RTEL1: variants seen among roughly 807,000 people sequenced by gnomAD.
RTEL1 encodes the protein regulator of telomere elongation helicase 1, also known as regulator of telomere length.
RTEL1 carries 86 observed loss-of-function variants against 162.2 expected under a neutral mutation model. The ratio of observed to expected loss-of-function variants is 0.53; its 90% CI spans 0.45 to 0.63. RTEL1 has a LOEUF of 0.63. Among genes scored for constraint, RTEL1 ranks in the 30% least tolerant of loss-of-function variants. RTEL1 has a pLI of 0.00. For missense variants in RTEL1, 1,941 were observed against 1,750.2 expected (o/e 1.11, Z -1.95); for synonymous variants, 958 against 717.9 (o/e 1.33, Z -5.35).
rs763253090 is a variant in RTEL1 at position 63,661,312 on chromosome 20, C to T, written c.117C>T (p.Ile39=). The T allele has an allele frequency of 1.2e-6, 2 of 1,612,336 alleles. No individual in the cohort carries two copies. Among genetic ancestry groups the T allele is most frequent in the South Asian group, 1.1e-5 (1 of 91,014 alleles). The stretch of plus-strand genomic sequence containing the variant: ...ACTCCGTTCAGAAGGTGAATGGCAT[C>T]CTGGAGAGCCCTACGGGTACAGGGA... ...LECLQQKVNG[I]LESPTGTGKT... The change falls in exon 3 of 35, where the codon ATC becomes ATT. Residue 39 remains isoleucine (I), a synonymous_variant. Coordinates refer to ENST00000360203, the MANE Select transcript of RTEL1 (RefSeq NM_001283009.2). The surrounding 1 kb of genome is among the most constrained non-coding windows in gnomAD (Gnocchi z 5.1).
intron 5 of RTEL1, 73 bp downstream of exon 5, chr20:63,662,700 T>C (rs2090045403): frequency 6.2e-7 from 1 of 1,605,554 alleles, no homozygotes; most frequent in Admixed American, 1.7e-5. Flanking sequence ...AGCCCCAGGC[T>C]GCGCTCCCGC....
chr20:63,695,364 G>A lies in RTEL1; in HGVS notation c.3536G>A (p.Ser1179Asn), dbSNP rs1350306450. 1.9e-6 allele frequency: 3 copies of A among 1,549,146 alleles called. No homozygotes were observed. The highest frequency in any genetic ancestry group is 1.9e-5 in the Admixed American group (1 of 52,552). The change falls in exon 34 of 35, where the codon AGC becomes AAC. Residue 1179 changes from serine to asparagine, a missense_variant. Coordinates refer to ENST00000360203, the MANE Select transcript of RTEL1 (RefSeq NM_001283009.2). ...SRSEKTGKTQSKISSFLRQRP... is the reference protein window; with the variant it reads ...SRSEKTGKTQNKISSFLRQRP... ...TCCGAGAAGACCGGGAAGACCCAGA[G>A]CAAGATCTCGTCCTTCCTTAGACAG...
At chr20:63,665,742 G>C (rs1393005253) in intron 6 of RTEL1, among the ~76,000 whole-genome samples, 1 of 152,114 alleles carries the variant, frequency 6.6e-6, no homozygotes, top group South Asian at 2.1e-4. Flanking sequence ...TAGAACCCTC[G>C]GGATCCTGCT....
intron 30 of RTEL1, among the ~76,000 whole-genome samples, 158 bp downstream of exon 30, chr20:63,693,441 ACCAGCAGCACCACCT>A (rs2090825296): frequency 7.5e-6 from 1 of 133,852 alleles, no homozygotes; most frequent in Non-Finnish European, 1.6e-5. Context: ...CACCACCAGC[ACCAGCAGCACCACCT>A]CCACCTCCAC....
intron 14 of RTEL1, chr20:63,681,544 G>C (rs2090478001): frequency 1.0e-6 from 1 of 985,188 alleles, no homozygotes; most frequent in African/African-American, 1.7e-5. Context: ...CATCTGGCCT[G>C]TGGGGTGCTT....
intron 7 of RTEL1, among the ~76,000 whole-genome samples, chr20:63,667,048 C>A (rs991294385): frequency 6.7e-6 from 1 of 149,958 alleles, no homozygotes; most frequent in Non-Finnish European, 1.5e-5. Context: ...ACCGTGTTAG[C>A]CAGGATGGTC....
chr20:63,695,008 G>A, intron 32 of RTEL1, 34 bp downstream of exon 32: 1 of 1,610,562 alleles, frequency 6.2e-7, no homozygotes, highest in Non-Finnish European at 8.5e-7. Flanking sequence ...CAGCCGGTGG[G>A]GTGGGGGGCA....
At chr20:63,681,587 T>G in intron 14 of RTEL1, 1 of 985,308 alleles carries the variant, frequency 1.0e-6, no homozygotes, top group Non-Finnish European at 1.2e-6. Context: ...AACCCTGGGA[T>G]GCATGGCTGG....
At chr20:63,681,168 T>G in intron 14 of RTEL1, 1 of 985,352 alleles carries the variant, frequency 1.0e-6, no homozygotes, top group Non-Finnish European at 1.2e-6. Flanking sequence ...GAGCCCATGA[T>G]TGGGGGTGCG....
chr20:63,694,242 C>G, intron 30 of RTEL1, 130 bp from the exon 31 acceptor site: 1 of 770,946 alleles, frequency 1.3e-6, no homozygotes, highest in South Asian at 1.5e-5. Context: ...CAGGCGTGTA[C>G]CTGCCTGGGT....
In RTEL1 at chr20:63,694,468, C is replaced by G. The variant is rs756579704; in HGVS notation, c.3089C>G (p.Ser1030Trp). The G allele has an allele frequency of 1.1e-5, 17 of 1,601,924 alleles. No individual in the cohort carries two copies. Among genetic ancestry groups the G allele is most frequent in the Non-Finnish European group, 1.4e-5 (16 of 1,171,210 alleles). The change falls in exon 31 of 35, where the codon TCG becomes TGG. Residue 1030 changes from serine to tryptophan, a missense_variant. Physicochemically the swap from Ser to Trp is radical, Grantham distance 177 (BLOSUM62 -3). Transcript: ENST00000360203. Reference sequence around the variant, plus strand: ...CTGAACCAGGGCAGGCCCCACCTGTCGCCCAGGCCACCCCCAACAGGTAGC... The same window carrying G: ...CTGAACCAGGGCAGGCCCCACCTGTGGCCCAGGCCACCCCCAACAGGTAGC... ...EHLNQGRPHL[S>W]PRPPPTGDPG...
intron 16 of RTEL1, 23 bp from the exon 17 acceptor site, chr20:63,687,615 C>G (rs374832186): frequency 1.3e-6 from 2 of 1,587,526 alleles, no homozygotes; most frequent in East Asian, 2.2e-5. Flanking sequence ...ACTCTGTGCC[C>G]TCTGCCGCCC....
intron 9 of RTEL1, among the ~76,000 whole-genome samples, chr20:63,672,946 T>G (rs4809321): frequency 0.81 from 123,075 of 152,238 alleles, 50,933 homozygotes; most frequent in African/African-American, 0.94. Flanking sequence ...AGCAGCAGGC[T>G]TGTGGTCTTG....
chr20:63,677,175 C>T (rs1464644036), intron 10 of RTEL1, among the ~76,000 whole-genome samples: 2 of 152,174 alleles, frequency 1.3e-5, no homozygotes, highest in South Asian at 2.1e-4. Context: ...CTCCAAGAAG[C>T]CCTGCTTTCT....
Position 63,688,569 on chromosome 20 carries a change from G to A in RTEL1, c.1764G>A (p.Leu588=), listed in dbSNP as rs2090649253. 1 of 1,610,640 alleles carries A rather than the reference G, an allele frequency of 6.2e-7. No homozygotes were observed. The highest frequency in any genetic ancestry group is 8.5e-7 in the Non-Finnish European group (1 of 1,179,510). Residue 588 remains leucine, a synonymous_variant, in exon 21 of 35, where the codon CTG becomes CTA. Coordinates refer to ENST00000360203, the MANE Select transcript of RTEL1 (RefSeq NM_001283009.2). ...LARKMEALKP[L]FVEPRSKGSF... ...GGAAGATGGAGGCGCTGAAGCCGCTGTTTGTGGAGCCCAGGAGCAAAGGCA... is the reference window on the plus strand; with the variant it reads ...GGAAGATGGAGGCGCTGAAGCCGCTATTTGTGGAGCCCAGGAGCAAAGGCA...
At chr20:63,689,441 G>C in intron 22 of RTEL1, 61 bp from the exon 23 acceptor site, 1 of 1,464,000 alleles carries the variant, frequency 6.8e-7, no homozygotes, top group Non-Finnish European at 9.1e-7. Flanking sequence ...GCTGGGCTGG[G>C]TGTGGGCACC....
intron 20 of RTEL1, 58 bp from the exon 21 acceptor site, chr20:63,688,470 C>T: frequency 6.2e-7 from 1 of 1,606,434 alleles, no homozygotes; most frequent in Non-Finnish European, 8.5e-7. Context: ...TCCTGCTTGC[C>T]CTCATCGGAT....
Position 63,695,832 on chromosome 20 carries a change from C to T in RTEL1, c.3877C>T (p.Gln1293Ter). The T allele has an allele frequency of 6.3e-7, 1 of 1,598,138 alleles. No individual in the cohort carries two copies. Among genetic ancestry groups the T allele is most frequent in the Non-Finnish European group, 8.5e-7 (1 of 1,173,974 alleles). ...HTASRKQSVM[Q>*]VFWPEPQ ...CGCCTCCAGGAAGCAGAGCGTCATG[C>T]AGGTCTTCTGGCCAGAGCCCCAGTG... is the stretch of plus-strand genomic sequence containing the variant. The change falls in exon 35 of 35, where the codon CAG becomes TAG. Residue 1293 changes from glutamine to a stop codon, truncating the protein, a stop_gained. Coordinates refer to ENST00000360203, the MANE Select transcript of RTEL1 (RefSeq NM_001283009.2). LOFTEE classifies it high-confidence loss of function.
At chr20:63,691,025 G>C in intron 27 of RTEL1, 78 bp downstream of exon 27, 6 of 1,416,682 alleles carry the variant, frequency 4.2e-6, no homozygotes, top group Non-Finnish European at 5.6e-6. Flanking sequence ...TCTGGCCTCA[G>C]GCACCTCCCC....
Sources: gnomAD v4.1 joint callset for allele counts (sites outside exome capture counted in the v4.1 genomes callset) on GRCh38, gnomAD v4.1.1 for gene constraint, Gnocchi (gnomAD v3.1) non-coding constraint, MANE v1.5 for transcripts, NCBI Gene and HGNC (gene_info 2026-07-23, HGNC 2026-07-21) for gene names.